The following RSPH1 variants were observed in gnomAD, a reference collection of about 807,000 sequenced individuals.
The protein encoded by RSPH1 is radial spoke head 1 homolog.
In RSPH1, 32 loss-of-function variants were observed where a neutral mutation model predicts 44.2. The observed-to-expected ratio is 0.72, with a 90% CI of 0.55 to 0.97. The LOEUF is 0.97. RSPH1 is among the 50% of genes least tolerant of loss of function. The pLI, the probability that RSPH1 is intolerant of heterozygous loss-of-function variation, is 0.00. For synonymous variants in RSPH1, 134 were observed against 147.3 expected, an observed-to-expected ratio of 0.91 and a Z score of 0.65; for missense variants, 391 against 398.7, an observed-to-expected ratio of 0.98 and a Z score of 0.16.
chr21:42,478,131 C>G (rs373669632), intron 6 of RSPH1, among the ~76,000 whole-genome samples: 64 of 152,370 alleles, frequency 4.2e-4, no homozygotes, highest in African/African-American at 1.5e-3. Context: ...GAGCAGCCAA[C>G]ATGTGCCAAT....
At chr21:42,489,156 GTTGGTTGATTGGTTGGCTGT>G (rs2054210368) in intron 3 of RSPH1, among the ~76,000 whole-genome samples, 1 of 152,046 alleles carries the variant, frequency 6.6e-6, no homozygotes, top group African/African-American at 2.4e-5. Context: ...CAGTTGGCTG[GTTGGTTGATTGGTTGGCTGT>G]TTGGTTGGCT....
rs758245475 is a variant in RSPH1, at chr21:42,486,386, C to A, written c.350G>T (p.Trp117Leu). 10 of 1,613,596 alleles carry A rather than the reference C, an allele frequency of 6.2e-6. No individual in the cohort carries two copies. Among genetic ancestry groups the A allele is most frequent in the Non-Finnish European group, 8.5e-6 (10 of 1,179,542 alleles). The change falls in exon 4 of 9, where the codon TGG (tryptophan) becomes TTG (leucine). Residue 117 changes from tryptophan (W) to leucine (L), a missense_variant. Physicochemically the swap from Trp to Leu is moderately conservative, Grantham distance 61. Coordinates refer to ENST00000291536, the MANE Select transcript of RSPH1 (RefSeq NM_080860.4). ...GAAACCGAACCTTTGATGAGCAAAC[C>A]ACTCTCCAGTGTAGGTGTCATTATT... ...YINNDTYTGE[W>L]FAHQRHGQGT...
rs9974947 is a variant in RSPH1 at position 42,474,344 on chromosome 21, G to A, written c.878-1474C>T. Among the ~76,000 whole-genome samples the A allele has an allele frequency of 0.36, 54,171 of 151,982 alleles. 10,170 individuals carry two copies. Among genetic ancestry groups the A allele is most frequent in the South Asian group, 0.49 (2,373 of 4,820 alleles). On this transcript the variant is annotated intron_variant, in intron 8 of 8. Coordinates refer to ENST00000291536, the MANE Select transcript of RSPH1 (RefSeq NM_080860.4). This position sits in a 1 kb window ranked among gnomAD's most constrained non-coding sequence, Gnocchi z 5.2. ...TTGCCACCTCCCTCCCAGCTAACCC[G>A]GAGTTTCCTGGTCCTGCCCCAGGTG...
chr21:42,495,911 G>A, intron 1 of RSPH1: 2 of 549,894 alleles, frequency 3.6e-6, no homozygotes, highest in East Asian at 5.9e-5. Flanking sequence ...GGGGAAGAAC[G>A]AGGCGGCATG....
chr21:42,494,005 A>G (rs1160721344), intron 1 of RSPH1, among the ~76,000 whole-genome samples: 1 of 152,208 alleles, frequency 6.6e-6, no homozygotes, highest in Non-Finnish European at 1.5e-5. Context: ...TTGGCCTCCC[A>G]AAGTGCTGGA....
rs972119116 is a variant in RSPH1 at position 42,474,744 on chromosome 21, C to T, written c.877+1154G>A. 6.6e-6 allele frequency among the ~76,000 whole-genome samples: 1 copy of T among 152,244 alleles called. No individual in the cohort carries two copies. The highest frequency in any genetic ancestry group is 1.5e-5 in the Non-Finnish European group (1 of 68,046). ...GACCCCACGTCCCACCTCAGCACTG[C>T]GTCACTGGGTGCATTGCTACAGCGC... On this transcript the variant is annotated intron_variant, in intron 8 of 8. Transcript: ENST00000291536. The surrounding 1 kb of genome is among the most constrained non-coding windows in gnomAD (Gnocchi z 5.2).
intron 6 of RSPH1, among the ~76,000 whole-genome samples, chr21:42,478,552 C>T (rs906662457): frequency 6.6e-6 from 1 of 152,216 alleles, no homozygotes; most frequent in African/African-American, 2.4e-5. Flanking sequence ...AACTGCACGC[C>T]ACTTTATGTA....
chr21:42,485,973 C>A, intron 4 of RSPH1, 169 bp from the exon 5 acceptor site: 1 of 808,238 alleles, frequency 1.2e-6, no homozygotes, highest in Middle Eastern at 3.7e-4. Context: ...TCAGTGTGCC[C>A]CAAGCACAGG....
At chr21:42,479,821 T>C (rs762678020) in intron 6 of RSPH1, among the ~76,000 whole-genome samples, 4 of 152,126 alleles carry the variant, frequency 2.6e-5, no homozygotes, top group Non-Finnish European at 4.4e-5. Context: ...TTTTGTTAGA[T>C]GCAGGTGACT....
At chr21:42,473,837 A>G (rs2054017608) in intron 8 of RSPH1, among the ~76,000 whole-genome samples, 1 of 152,120 alleles carries the variant, frequency 6.6e-6, no homozygotes, top group South Asian at 2.1e-4. Context: ...GCCTCCACCC[A>G]GGAAGATGCC....
chr21:42,482,201 A>G (rs2054135019), intron 6 of RSPH1, among the ~76,000 whole-genome samples: 1 of 152,206 alleles, frequency 6.6e-6, no homozygotes. Flanking sequence ...CTCCTGCCTC[A>G]GCCTCCTGAG....
At chr21:42,481,337 G>C (rs2146650013) in intron 6 of RSPH1, among the ~76,000 whole-genome samples, 1 of 152,236 alleles carries the variant, frequency 6.6e-6, no homozygotes, top group Non-Finnish European at 1.5e-5. Context: ...AGTTGCGGGT[G>C]CCATGCTTCT....
intron 3 of RSPH1, among the ~76,000 whole-genome samples, chr21:42,489,454 T>G (rs1194840926): frequency 1.3e-5 from 2 of 152,154 alleles, no homozygotes; most frequent in Admixed American, 1.3e-4. Context: ...GCTCCTTGGG[T>G]AGAGCAGTTT....
rs1329992880 is a variant in RSPH1 at position 42,474,757 on chromosome 21, A to G, written c.877+1141T>C. The stretch of plus-strand genomic sequence containing the variant: ...ACCTCAGCACTGCGTCACTGGGTGC[A>G]TTGCTACAGCGCTCAGGGGAATTAC... On this transcript the variant is annotated intron_variant, in intron 8 of 8. Coordinates refer to ENST00000291536, the MANE Select transcript of RSPH1 (RefSeq NM_080860.4). This position sits in a 1 kb window ranked among gnomAD's most constrained non-coding sequence, Gnocchi z 5.2. 4.1e-5 allele frequency among the ~76,000 whole-genome samples: 6 copies of G among 147,688 alleles called. No homozygotes were observed. Among genetic ancestry groups the G allele is most frequent in the Non-Finnish European group, 8.8e-5 (6 of 67,986 alleles).
At position 42,493,053 on chromosome 21, in the gene RSPH1, T is replaced by A; in HGVS notation, c.81A>T (p.Ala27=). The A allele has an allele frequency of 1.2e-6, 2 of 1,614,152 alleles. No individual in the cohort carries two copies. Among genetic ancestry groups the A allele is most frequent in the Non-Finnish European group, 8.5e-7 (1 of 1,180,004 alleles). ...IGEYEGGRNE[A]GERHGRGRAR... Reference sequence around the variant, plus strand: ...CCCTCCCACGTCCGTGCCTTTCGCCTGCCTCATTCCGACCCCCCTCATATT... The same window carrying A: ...CCCTCCCACGTCCGTGCCTTTCGCCAGCCTCATTCCGACCCCCCTCATATT... The change falls in exon 2 of 9, where the codon GCA becomes GCT. Residue 27 remains alanine (A), a synonymous_variant. Coordinates refer to ENST00000291536, the MANE Select transcript of RSPH1 (RefSeq NM_080860.4).
intron 6 of RSPH1, among the ~76,000 whole-genome samples, chr21:42,478,595 T>C (rs1333954692): frequency 1.3e-5 from 2 of 152,224 alleles, no homozygotes; most frequent in Non-Finnish European, 2.9e-5. Context: ...TTCACATTGC[T>C]GGTGGGAACG....
At position 42,472,882 on chromosome 21, in the gene RSPH1, A is replaced by G. The variant is rs774341217; in HGVS notation, c.878-12T>C. 2 of 1,581,696 alleles carry G rather than the reference A, an allele frequency of 1.3e-6. No individual in the cohort carries two copies. The highest frequency in any genetic ancestry group is 1.7e-6 in the Non-Finnish European group (2 of 1,150,928). ...AGAATTAATGTTTCCTGAAAAGAAA[A>G]GAGAAACATGAGTATATCTCATATT... On this transcript the variant is annotated splice_polypyrimidine_tract_variant and intron_variant, in intron 8 of 8. Transcript: ENST00000291536.
chr21:42,494,827 G>A (rs1048161616), intron 1 of RSPH1, among the ~76,000 whole-genome samples: 20 of 151,866 alleles, frequency 1.3e-4, no homozygotes, highest in Admixed American at 3.9e-4. Context: ...AGCCTCCCGA[G>A]TAGCTGGGAT....
At chr21:42,489,526 C>A (rs1001507835) in intron 3 of RSPH1, among the ~76,000 whole-genome samples, 1 of 152,194 alleles carries the variant, frequency 6.6e-6, no homozygotes, top group Non-Finnish European at 1.5e-5. Flanking sequence ...CTCCTCCCCC[C>A]TCAAATGCTG....
Sources: gnomAD v4.1 joint callset for allele counts (sites outside exome capture counted in the v4.1 genomes callset) on GRCh38, gnomAD v4.1.1 for gene constraint, Gnocchi (gnomAD v3.1) non-coding constraint, MANE v1.5 for transcripts, NCBI Gene and HGNC (gene_info 2026-07-23, HGNC 2026-07-21) for gene names.